Variants in ASNS observed in about 807,000 individuals in gnomAD.
The protein encoded by ASNS is asparagine synthetase [glutamine-hydrolyzing].
A neutral mutation model predicts 62.6 loss-of-function variants in ASNS; 37 were observed. That is an observed-to-expected ratio of 0.59 (90% CI 0.45 to 0.78). ASNS has a LOEUF of 0.78. Among genes scored for constraint, ASNS ranks in the 30% least tolerant of loss-of-function variants. The probability of loss-of-function intolerance (pLI) is 0.00; values close to 1 mark genes in which losing one functional copy is unlikely to be tolerated. For missense variants in ASNS, 520 were observed against 682.4 expected (o/e 0.76, Z 2.65); for synonymous variants, 207 against 237.9 (o/e 0.87, Z 1.19).
At chr7:97,924,131 C>T in the ASNS span, among the ~76,000 whole-genome samples, 31 of 152,160 alleles carry the variant, frequency 2.0e-4, no homozygotes, top group Non-Finnish European at 3.5e-4. Flanking sequence ...CAACACAGCC[C>T]GCACTCCACA....
the ASNS span, chr7:97,913,246 G>A: frequency 2.6e-5 from 4 of 152,162 alleles, no homozygotes; most frequent in Non-Finnish European, 5.9e-5. Context: ...CTCTGCCATG[G>A]GTGCCAGGAC....
upstream of ASNS, among the ~76,000 whole-genome samples, chr7:97,875,352 T>G (rs900647780): frequency 6.6e-6 from 1 of 152,216 alleles, no homozygotes; most frequent in Non-Finnish European, 1.5e-5. Flanking sequence ...TTAGCCAGGC[T>G]GGTCTTGAAC....
In ASNS at chr7:97,852,090, T is replaced by G; in HGVS notation, c.*169A>C. 1 of 714,076 alleles carries G rather than the reference T, an allele frequency of 1.4e-6. No individual in the cohort carries two copies. The highest frequency in any genetic ancestry group is 2.8e-5 in the Admixed American group (1 of 35,642). The allele number at this position is 714,076 out of a possible 1,614,324, so 44.2% of individuals were successfully genotyped here. ...GCAAAACAGTTCTAGTTACCTCTTA[T>G]GAAGAGACTGCATGAACATAAATGA... On this transcript the variant is annotated 3_prime_UTR_variant, in exon 13 of 13. Coordinates refer to ENST00000394308, the MANE Select transcript of ASNS (RefSeq NM_001673.5).
the ASNS span, among the ~76,000 whole-genome samples, chr7:97,924,379 G>GC: frequency 7.2e-5 from 11 of 152,156 alleles, no homozygotes; most frequent in Non-Finnish European, 1.2e-4. Flanking sequence ...TTACAAGAGC[G>GC]CCACGGCAGA....
the ASNS span, among the ~76,000 whole-genome samples, chr7:97,922,613 G>T: frequency 1.3e-5 from 2 of 152,074 alleles, no homozygotes; most frequent in African/African-American, 4.8e-5. Flanking sequence ...ATAAGTCTGG[G>T]AGGTGATGTT....
At chr7:97,904,981 A>C in the ASNS span, among the ~76,000 whole-genome samples, 3,102 of 152,290 alleles carry the variant, frequency 0.02, 95 homozygotes, top group African/African-American at 0.071. Flanking sequence ...TCTCTTTAGC[A>C]AAGACCCAGC....
At chr7:97,908,801 T>C in the ASNS span, 1 of 152,226 alleles carries the variant, frequency 6.6e-6, no homozygotes, top group African/African-American at 2.4e-5. Flanking sequence ...TCACCTATTC[T>C]CTCTCACATG....
the ASNS span, among the ~76,000 whole-genome samples, chr7:97,892,009 T>G: frequency 1.3e-5 from 2 of 152,242 alleles, no homozygotes; most frequent in African/African-American, 4.8e-5. Flanking sequence ...ACTGCCCTAG[T>G]AGAGGTTCTC....
chr7:97,921,829 G>C, the ASNS span, among the ~76,000 whole-genome samples: 1 of 152,164 alleles, frequency 6.6e-6, no homozygotes, highest in South Asian at 2.1e-4. Flanking sequence ...CATCCTGGGT[G>C]GGTGCCGGAG....
chr7:97,869,292 A>C, intron 2 of ASNS, 113 bp from the exon 3 acceptor site: 2 of 1,222,478 alleles, frequency 1.6e-6, no homozygotes, highest in Non-Finnish European at 2.2e-6. Flanking sequence ...AATTTAAACC[A>C]TCTTTTCTAT....
the ASNS span, among the ~76,000 whole-genome samples, chr7:97,901,006 G>A: frequency 5.3e-5 from 8 of 152,202 alleles, no homozygotes; most frequent in Non-Finnish European, 1.2e-4. Context: ...ACAGTTATAT[G>A]GCAAATTTTG....
Position 97,855,327 on chromosome 7 carries a change from A to C in ASNS, c.1137+26T>G, listed in dbSNP as rs201384995. 7.9e-4 allele frequency: 1,164 copies of C among 1,477,716 alleles called. 1 individual carries two copies. The highest frequency in any genetic ancestry group is 1.0e-3 in the Non-Finnish European group (1,113 of 1,060,004). 91.5% of individuals were successfully genotyped at this position (1,477,716 alleles called of 1,614,324 possible). ...TCATACTTTTCTTAATATAGCATGA[A>C]TATCCCTCCACTTCAGAGTGGTTAC... On this transcript the variant is annotated intron_variant, in intron 9 of 12. Coordinates refer to ENST00000394308, the MANE Select transcript of ASNS (RefSeq NM_001673.5).
intron 3 of ASNS, among the ~76,000 whole-genome samples, chr7:97,866,368 C>T (rs1791968530): frequency 6.6e-6 from 1 of 152,242 alleles, no homozygotes; most frequent in African/African-American, 2.4e-5. Flanking sequence ...ATTAAAGCTA[C>T]TCCTTACTGA....
At chr7:97,920,344 A>G in the ASNS span, among the ~76,000 whole-genome samples, 1 of 151,856 alleles carries the variant, frequency 6.6e-6, no homozygotes, top group South Asian at 2.1e-4. Flanking sequence ...GTCTCCCCTG[A>G]GCAGCTTTTC....
At chr7:97,853,531 C>A in intron 10 of ASNS, 145 bp from the exon 11 acceptor site, 1 of 611,484 alleles carries the variant, frequency 1.6e-6, no homozygotes. Flanking sequence ...CTAATGACTG[C>A]CCTACACTAA....
the ASNS span, among the ~76,000 whole-genome samples, chr7:97,903,827 T>G: frequency 1.3e-5 from 2 of 152,242 alleles, no homozygotes; most frequent in African/African-American, 4.8e-5. Context: ...TCCAATTCTC[T>G]GGGTTCTCAT....
At position 97,856,781 on chromosome 7, in the gene ASNS, G is replaced by A. The variant is rs1180785159; in HGVS notation, c.939C>T (p.Val313=). The A allele has an allele frequency of 3.1e-6, 5 of 1,612,178 alleles. No homozygotes were observed. Among genetic ancestry groups the A allele is most frequent in the Non-Finnish European group, 4.2e-6 (5 of 1,178,834 alleles). The change falls in exon 8 of 13, where the codon GTC becomes GTT. Residue 313 remains valine (V), a synonymous_variant. Coordinates refer to ENST00000394308, the MANE Select transcript of ASNS (RefSeq NM_001673.5). ...ADHIGSEHYE[V]LFNSEEGIQA... The stretch of plus-strand genomic sequence containing the variant: ...GAATGCCTTCCTCAGAGTTAAAAAG[G>A]ACTTCATAATGTTCACTTCCAATAT...
Position 97,858,132 on chromosome 7 carries a change from T to G in ASNS, c.903+146A>C, listed in dbSNP as rs1464256721. The G allele has an allele frequency of 2.7e-6, 3 of 1,111,912 alleles. 1 individual carries two copies. Among genetic ancestry groups the G allele is most frequent in the African/African-American group, 3.2e-5 (2 of 63,308 alleles). The allele number at this position is 1,111,912 out of a possible 1,614,324, so 68.9% of individuals were successfully genotyped here. A position where few individuals can be genotyped will look rare whatever the true frequency, so the allele number is the denominator to read the frequency against. Reference sequence around the variant, plus strand: ...CAACACAGTGCATATCCAACAGCCATTTCATTCTATTTTAATACAATCAAT... The same window carrying G: ...CAACACAGTGCATATCCAACAGCCAGTTCATTCTATTTTAATACAATCAAT... On this transcript the variant is annotated intron_variant, in intron 7 of 12. Transcript: ENST00000394308.
At chr7:97,878,260 C>T in the ASNS span, among the ~76,000 whole-genome samples, 3 of 152,128 alleles carry the variant, frequency 2.0e-5, no homozygotes, top group Non-Finnish European at 2.9e-5. Context: ...TGGTGGCACA[C>T]GTCTCTAACA....
Sources: gnomAD v4.1 joint callset for allele counts (sites outside exome capture counted in the v4.1 genomes callset) on GRCh38, gnomAD v4.1.1 for gene constraint, MANE v1.5 for transcripts, NCBI Gene and HGNC (gene_info 2026-07-23, HGNC 2026-07-21) for gene names.